GEMIN4: variants seen among roughly 807,000 people sequenced by gnomAD.
GEMIN4 encodes the protein gem nuclear organelle associated protein 4.
In GEMIN4, 59 loss-of-function variants were observed where a neutral mutation model predicts 76.8. The observed-to-expected ratio is 0.77, with a 90% CI of 0.62 to 0.95. The LOEUF is 0.95. Ranked by LOEUF, GEMIN4 falls within the 40% of genes least tolerant of loss-of-function variation. The probability of loss-of-function intolerance (pLI) is 0.00; values close to 1 mark genes in which losing one functional copy is unlikely to be tolerated. For missense variants in GEMIN4, 1,311 were observed against 1,318.9 expected (o/e 0.99, Z 0.09); for synonymous variants, 562 against 559.7 (o/e 1.00, Z -0.06).
chr17:749,114 G>A (rs58163056), intron 1 of GEMIN4: 63 of 95,258 alleles, frequency 6.6e-4, no homozygotes, highest in Non-Finnish European at 8.3e-4. Context: ...GCAATCACAC[G>A]GCCACAGGAT....
upstream of GEMIN4, chr17:753,848 T>C (rs564963547): frequency 3.3e-5 from 5 of 152,384 alleles, no homozygotes; most frequent in African/African-American, 1.2e-4. Flanking sequence ...CAGCCCCTTA[T>C]CTCTTCAAGG....
At chr17:749,948 T>C (rs1173068942) in intron 1 of GEMIN4, 1 of 986,104 alleles carries the variant, frequency 1.0e-6, no homozygotes, top group Non-Finnish European at 1.2e-6. Flanking sequence ...GAAAATACTG[T>C]GCTAGATTAA....
intron 1 of GEMIN4, chr17:748,642 A>C (rs1221743045): frequency 4.4e-6 from 1 of 224,832 alleles, no homozygotes; most frequent in East Asian, 1.5e-4. Context: ...AGATGAAGGG[A>C]GCATAGCCAC....
Position 747,485 on chromosome 17 carries a change from G to A in GEMIN4, c.558C>T (p.Ala186=). 2 of 1,613,760 alleles carry A rather than the reference G, an allele frequency of 1.2e-6. No individual in the cohort carries two copies. The highest frequency in any genetic ancestry group is 1.7e-6 in the Non-Finnish European group (2 of 1,179,776). ...CATCTAAGGCAGGCAGGTACTTATGGGCCATTGCACTAAACTGGGAGAGCA... is the reference window on the plus strand; with the variant it reads ...CATCTAAGGCAGGCAGGTACTTATGAGCCATTGCACTAAACTGGGAGAGCA... The part of the protein sequence containing the change: ...DPLLSQFSAM[A]HKYLPALDEF... The change falls in exon 2 of 2, where the codon GCC becomes GCT. Residue 186 remains alanine (A), a synonymous_variant. Transcript: ENST00000319004.
At chr17:753,992 GTGA>G (rs1904881587), upstream of GEMIN4, 1 of 152,232 alleles carries the variant, frequency 6.6e-6, no homozygotes, top group Non-Finnish European at 1.5e-5. Context: ...CAAGCTTTCC[GTGA>G]TGATAATGTG....
rs1282680418 is a variant in GEMIN4, at chr17:752,208, G to A, written c.-66C>T. 1.6e-6 allele frequency: 2 copies of A among 1,230,512 alleles called. No homozygotes were observed. The highest frequency in any genetic ancestry group is 3.2e-5 in the East Asian group (1 of 31,580). 76.2% of individuals were successfully genotyped at this position (1,230,512 alleles called of 1,614,324 possible). A position where few individuals can be genotyped will look rare whatever the true frequency, so the allele number is the denominator to read the frequency against. On this transcript the variant is annotated 5_prime_UTR_variant, in exon 1 of 2. Transcript: ENST00000319004. ...CCCTCCGAGAACTCGAACGCGGCGC[G>A]GGACGCACGGCACGATGGGAGACGC...
chr17:752,094 G>A lies in GEMIN4; in HGVS notation c.10+39C>T, dbSNP rs2144210845. 4.9e-6 allele frequency: 6 copies of A among 1,220,120 alleles called. No homozygotes were observed. The South Asian group carries it at 1.6e-4, about 33-fold the overall frequency. 75.6% of individuals were successfully genotyped at this position (1,220,120 alleles called of 1,614,324 possible). A position where few individuals can be genotyped will look rare whatever the true frequency, so the allele number is the denominator to read the frequency against. On this transcript the variant is annotated intron_variant, in intron 1 of 1. Coordinates refer to ENST00000319004, the MANE Select transcript of GEMIN4 (RefSeq NM_015721.3). The stretch of plus-strand genomic sequence containing the variant: ...GGCAGCACCGCTCTGGTGGCGCATT[G>A]CTGGACGCAGCCCGGGGCCGGGGAG...
At chr17:750,435 G>T (rs1221025583) in intron 1 of GEMIN4, among the ~76,000 whole-genome samples, 1 of 152,212 alleles carries the variant, frequency 6.6e-6, no homozygotes, top group Non-Finnish European at 1.5e-5. Flanking sequence ...TAGGTGCTCA[G>T]TAAATGTTGG....
At position 749,203 on chromosome 17, in the gene GEMIN4, G is replaced by A. The variant is rs541721424; in HGVS notation, c.11-1171C>T. 8.4e-5 allele frequency: 10 copies of A among 119,590 alleles called. No homozygotes were observed. In the Admixed American group the frequency reaches 1.0e-3, roughly 12 times the overall value. 7.4% of individuals were successfully genotyped at this position (119,590 alleles called of 1,614,324 possible). A position where few individuals can be genotyped will look rare whatever the true frequency, so the allele number is the denominator to read the frequency against. ...ACGGCCACAGGGTAATGGGCACAGA[G>A]CAATCACACGGCCACAGGATAATGG... On this transcript the variant is annotated intron_variant, in intron 1 of 1. Transcript: ENST00000319004.
Position 747,803 on chromosome 17 carries a change from C to T in GEMIN4, c.240G>A (p.Pro80=), listed in dbSNP as rs757870227. ...LIIIWAKVLQ[P]HPVTPSDTET... ...CTGTGTCGGACGGGGTCACGGGGTG[C>T]GGCTGCAGAACCTTGGCCCAGATGA... The change falls in exon 2 of 2, where the codon CCG becomes CCA. Residue 80 remains proline (P), a synonymous_variant. Transcript: ENST00000319004. The T allele has an allele frequency of 6.2e-6, 10 of 1,612,852 alleles. No homozygotes were observed. Among genetic ancestry groups the T allele is most frequent in the African/African-American group, 2.7e-5 (2 of 74,680 alleles).
At chr17:752,351 T>C, upstream of GEMIN4, 1 of 1,147,432 alleles carries the variant, frequency 8.7e-7, no homozygotes, top group East Asian at 3.3e-5. Context: ...AGCGCCGCCT[T>C]CCGGCAGAGC....
rs1974322098 is a variant in GEMIN4, at chr17:744,804, A to G, written c.*62T>C. On this transcript the variant is annotated 3_prime_UTR_variant, in exon 2 of 2. Transcript: ENST00000319004. ...AAGCCCAGCTTTTTCGCTCCCGCAC[A>G]GGTAAGAAGCTGCTGATCTTCTGCA... 2 of 1,522,824 alleles carry G rather than the reference A, an allele frequency of 1.3e-6. No individual in the cohort carries two copies. Among genetic ancestry groups the G allele is most frequent in the Non-Finnish European group, 1.8e-6 (2 of 1,140,080 alleles). 94.3% of individuals were successfully genotyped at this position (1,522,824 alleles called of 1,614,324 possible). A position where few individuals can be genotyped will look rare whatever the true frequency, so the allele number is the denominator to read the frequency against.
chr17:747,644 G>A lies in GEMIN4; in HGVS notation c.399C>T (p.Pro133=). Reference sequence around the variant, plus strand: ...CTAGTTCTGCATGGCAGATGGTGGTGGGCAGGGCCATCAGGAGCTGGATAA... The same window carrying A: ...CTAGTTCTGCATGGCAGATGGTGGTAGGCAGGGCCATCAGGAGCTGGATAA... The part of the protein sequence containing the change: ...GLFIQLLMAL[P]TTICHAELER... The change falls in exon 2 of 2, where the codon CCC becomes CCT. Residue 133 remains proline (P), a synonymous_variant. Coordinates refer to ENST00000319004, the MANE Select transcript of GEMIN4 (RefSeq NM_015721.3). 1 of 1,613,958 alleles carries A rather than the reference G, an allele frequency of 6.2e-7. No homozygotes were observed. Among genetic ancestry groups the A allele is most frequent in the Non-Finnish European group, 8.5e-7 (1 of 1,179,886 alleles).
upstream of GEMIN4, chr17:753,094 G>A (rs9910873): frequency 9.9e-3 from 1,549 of 156,478 alleles, 36 homozygotes; most frequent in African/African-American, 0.036. Flanking sequence ...ACGCCATGAG[G>A]GGCTACGCGG....
chr17:751,870 C>T (rs1904717752), intron 1 of GEMIN4: 1 of 375,922 alleles, frequency 2.7e-6, no homozygotes, highest in Non-Finnish European at 4.7e-6. Flanking sequence ...GCCCCGGGCG[C>T]TTCCAAGGGC....
chr17:750,595 T>C (rs1434844651), intron 1 of GEMIN4, among the ~76,000 whole-genome samples: 1 of 152,220 alleles, frequency 6.6e-6, no homozygotes, highest in African/African-American at 2.4e-5. Flanking sequence ...CACTGCTCCC[T>C]ATTCCTCATT....
rs773931767 is a variant in GEMIN4 at position 745,941 on chromosome 17, A to G, written c.2102T>C (p.Leu701Ser). ...TCSPFPLLFSLCQLLDRFSKY... is the reference protein window; with the variant it reads ...TCSPFPLLFSSCQLLDRFSKY... ...GCTGAAGCGGTCCAAGAGCTGGCAC[A>G]AGCTGAAGAGGAGTGGAAACGGGGA... Residue 701 changes from leucine (L) to serine (S), a missense_variant, in exon 2 of 2, where the codon TTG (leucine) becomes TCG (serine). Leu to Ser is a moderately radical substitution (Grantham distance 145). Around this residue, in one of 2 missense-constraint regions of GEMIN4, gnomAD observed 1,208 missense variants for 1,166.9 expected, o/e 1.04. Coordinates refer to ENST00000319004, the MANE Select transcript of GEMIN4 (RefSeq NM_015721.3). This position sits in a 1 kb window ranked among gnomAD's most constrained non-coding sequence, Gnocchi z 4.6. 1.2e-6 allele frequency: 2 copies of G among 1,613,140 alleles called. No homozygotes were observed. Among genetic ancestry groups the G allele is most frequent in the African/African-American group, 1.3e-5 (1 of 74,938 alleles).
upstream of GEMIN4, among the ~76,000 whole-genome samples, chr17:752,412 A>G (rs1250559503): frequency 6.6e-6 from 1 of 151,728 alleles, no homozygotes; most frequent in Non-Finnish European, 1.5e-5. Context: ...ACCCCTCCGC[A>G]CCGTCCCCTG....
At chr17:750,246 C>G (rs1352293196) in intron 1 of GEMIN4, among the ~76,000 whole-genome samples, 1 of 152,096 alleles carries the variant, frequency 6.6e-6, no homozygotes, top group African/African-American at 2.4e-5. Flanking sequence ...CCAAGCCTTC[C>G]TTCTGCATAT....
Sources: allele counts gnomAD v4.1 joint callset (sites outside exome capture counted in the v4.1 genomes callset), GRCh38; gene constraint gnomAD v4.1.1; regional missense constraint gnomAD v4.1.1; non-coding constraint Gnocchi (gnomAD v3.1); transcripts MANE v1.5; gene names NCBI Gene and HGNC (gene_info 2026-07-23, HGNC 2026-07-21).